The following KHDRBS2 variants were observed in gnomAD, a reference collection of about 807,000 sequenced individuals.
KHDRBS2 encodes the protein KH RNA binding domain containing, signal transduction associated 2, also known as KH domain-containing, RNA-binding, signal transduction-associated protein 2.
A neutral mutation model predicts 44.3 loss-of-function variants in KHDRBS2; 26 were observed. That is an observed-to-expected ratio of 0.59 (90% CI 0.43 to 0.81). The LOEUF is 0.81. KHDRBS2 is among the 40% of genes least tolerant of loss of function. KHDRBS2 has a pLI of 0.00. For synonymous variants in KHDRBS2, 194 were observed against 151.1 expected, an observed-to-expected ratio of 1.28 and a Z score of -2.08; for missense variants, 476 against 433.1, an observed-to-expected ratio of 1.10 and a Z score of -0.88.
In KHDRBS2 at chr6:62,274,986, T is replaced by C. The variant is rs1222323948; in HGVS notation, c.91+10872A>G. On this transcript the variant is annotated intron_variant, in intron 1 of 8. Coordinates refer to ENST00000281156, the MANE Select transcript of KHDRBS2 (RefSeq NM_152688.4). ...TAACGTATGCTTAACAAACACAATATATACATATATCGCTCATCAAATACA... is the reference window on the plus strand; with the variant it reads ...TAACGTATGCTTAACAAACACAATACATACATATATCGCTCATCAAATACA... Among the ~76,000 whole-genome samples the C allele has an allele frequency of 3.4e-5, 5 of 146,810 alleles. 1 individual carries two copies. Among genetic ancestry groups the C allele is most frequent in the African/African-American group, 1.3e-4 (5 of 39,418 alleles).
intron 1 of KHDRBS2, among the ~76,000 whole-genome samples, chr6:62,243,286 A>G (rs1317396493): frequency 1.3e-5 from 2 of 152,118 alleles, no homozygotes; most frequent in Non-Finnish European, 2.9e-5. Flanking sequence ...CTGAGTTTCT[A>G]TATGCTTCTA....
intron 6 of KHDRBS2, among the ~76,000 whole-genome samples, chr6:61,786,560 T>A (rs1418666201): frequency 2.0e-5 from 3 of 150,666 alleles, no homozygotes; most frequent in Non-Finnish European, 3.0e-5. Context: ...AAATAAAAAA[T>A]TAAAACAAAG....
intron 6 of KHDRBS2, among the ~76,000 whole-genome samples, chr6:61,852,372 T>C (rs1795560587): frequency 6.6e-6 from 1 of 152,020 alleles, no homozygotes; most frequent in Non-Finnish European, 1.5e-5. Context: ...GAGACAATCC[T>C]GGCCAACATG....
At chr6:61,662,729 T>G in the KHDRBS2 span, among the ~76,000 whole-genome samples, 1 of 151,910 alleles carries the variant, frequency 6.6e-6, no homozygotes. Context: ...AGAATGGCGA[T>G]CATTAAAAAG....
At chr6:62,063,928 A>C (rs1020966427) in intron 2 of KHDRBS2, among the ~76,000 whole-genome samples, 3 of 144,082 alleles carry the variant, frequency 2.1e-5, no homozygotes, top group South Asian at 4.5e-4. Flanking sequence ...CAACTTCAGC[A>C]AAGTCTCAGG....
chr6:61,848,495 A>ATG (rs1562293746), intron 6 of KHDRBS2, among the ~76,000 whole-genome samples: 7 of 58,198 alleles, frequency 1.2e-4, no homozygotes, highest in South Asian at 5.8e-4. Flanking sequence ...ATATATGTAT[A>ATG]TATATATATA....
chr6:61,792,627 T>C (rs1784789667), intron 6 of KHDRBS2, among the ~76,000 whole-genome samples: 1 of 151,820 alleles, frequency 6.6e-6, no homozygotes, highest in Non-Finnish European at 1.5e-5. Flanking sequence ...CTCACCTTAC[T>C]TTCATTGTTG....
chr6:62,110,868 T>C (rs1804842608), intron 2 of KHDRBS2, among the ~76,000 whole-genome samples: 1 of 152,076 alleles, frequency 6.6e-6, no homozygotes, highest in Non-Finnish European at 1.5e-5. Context: ...TTTATATGTG[T>C]AATTTCAGCT....
At chr6:62,002,187 T>C (rs1218931609) in intron 3 of KHDRBS2, among the ~76,000 whole-genome samples, 1 of 100,814 alleles carries the variant, frequency 9.9e-6, no homozygotes, top group African/African-American at 3.1e-5. Flanking sequence ...ACCACAGTGA[T>C]TAAAAAAAAA....
intron 2 of KHDRBS2, among the ~76,000 whole-genome samples, chr6:62,168,401 G>A (rs1322125652): frequency 6.6e-6 from 1 of 152,108 alleles, no homozygotes; most frequent in Non-Finnish European, 1.5e-5. Flanking sequence ...GAATTGCCTA[G>A]GTGAACAAAC....
At chr6:62,088,561 C>T (rs1250377329) in intron 2 of KHDRBS2, among the ~76,000 whole-genome samples, 1 of 152,142 alleles carries the variant, frequency 6.6e-6, no homozygotes. Flanking sequence ...GCTGCCTGTT[C>T]CTTCCTCTGG....
chr6:62,092,712 A>G (rs1444893302), intron 2 of KHDRBS2, among the ~76,000 whole-genome samples: 1 of 152,164 alleles, frequency 6.6e-6, no homozygotes, highest in South Asian at 2.1e-4. Flanking sequence ...TGTGACTTTA[A>G]TTTACAGGCA....
At chr6:61,684,219 G>T (rs571943347) in intron 8 of KHDRBS2, among the ~76,000 whole-genome samples, 1 of 152,040 alleles carries the variant, frequency 6.6e-6, no homozygotes, top group South Asian at 2.1e-4. Context: ...CCACCATAGA[G>T]TGTGTCATTG....
intron 6 of KHDRBS2, among the ~76,000 whole-genome samples, chr6:61,818,306 A>C (rs1221157176): frequency 6.6e-6 from 1 of 150,772 alleles, no homozygotes; most frequent in Admixed American, 6.6e-5. Context: ...ATGCAGAGAC[A>C]GGGGAAGAGA....
At chr6:61,764,861 T>C (rs938859540) in intron 6 of KHDRBS2, among the ~76,000 whole-genome samples, 7 of 152,172 alleles carry the variant, frequency 4.6e-5, no homozygotes, top group Non-Finnish European at 1.0e-4. Flanking sequence ...TTTCTTTTGC[T>C]GTGTAGAAGC....
chr6:61,896,049 C>T (rs1802882292), intron 5 of KHDRBS2, among the ~76,000 whole-genome samples: 1 of 152,060 alleles, frequency 6.6e-6, no homozygotes, highest in Non-Finnish European at 1.5e-5. Flanking sequence ...GAAGGTGAAA[C>T]ACAAAGACCC....
At chr6:61,606,663 G>T in the KHDRBS2 span, among the ~76,000 whole-genome samples, 7 of 152,140 alleles carry the variant, frequency 4.6e-5, no homozygotes, top group Non-Finnish European at 8.8e-5. Context: ...AGCAAAGTAG[G>T]TCTTGTTATG....
intron 1 of KHDRBS2, among the ~76,000 whole-genome samples, chr6:62,214,439 T>A (rs1409471058): frequency 3.3e-5 from 5 of 152,050 alleles, no homozygotes; most frequent in Non-Finnish European, 4.4e-5. Context: ...AATAGTAACT[T>A]ACAAAAATTA....
chr6:61,736,139 T>TGA (rs1168023987), intron 6 of KHDRBS2, among the ~76,000 whole-genome samples: 1 of 150,858 alleles, frequency 6.6e-6, no homozygotes, highest in Non-Finnish European at 1.5e-5. Flanking sequence ...CTAGTGAGAT[T>TGA]GAGTCTTCTC....
Sources: gnomAD v4.1 joint callset for allele counts (sites outside exome capture counted in the v4.1 genomes callset) on GRCh38, gnomAD v4.1.1 for gene constraint, MANE v1.5 for transcripts, NCBI Gene and HGNC (gene_info 2026-07-23, HGNC 2026-07-21) for gene names.